Variants in EXOC6 observed in about 807,000 individuals in gnomAD.
EXOC6 encodes the protein exocyst complex component 6, also known as SEC15-like 1.
Under a neutral mutation model 112.5 loss-of-function variants are expected in EXOC6, and 60 were observed. That is an observed-to-expected ratio of 0.53 (90% CI 0.43 to 0.66). The LOEUF is 0.66. EXOC6 is among the 30% of genes least tolerant of loss of function. The pLI is 0.00. For synonymous variants in EXOC6, 295 were observed against 308.0 expected (o/e 0.96, Z 0.44); for missense variants, 855 against 957.1 (o/e 0.89, Z 1.41).
intron 1 of EXOC6, among the ~76,000 whole-genome samples, chr10:92,879,456 G>A (rs749776872): frequency 6.6e-5 from 10 of 152,134 alleles, no homozygotes; most frequent in Non-Finnish European, 1.5e-4. Flanking sequence ...AACAGAGTGA[G>A]ACTCTGTCTC....
intron 14 of EXOC6, among the ~76,000 whole-genome samples, chr10:92,948,761 ATAT>A (rs1853212109): frequency 6.6e-6 from 1 of 152,164 alleles, no homozygotes; most frequent in Non-Finnish European, 1.5e-5. Context: ...TAATAAGAGT[ATAT>A]CCTAGTGAAA....
Position 92,909,622 on chromosome 10 carries a change from A to G in EXOC6, c.654A>G (p.Ala218=), listed in dbSNP as rs768082777. ...RKHSDKIGET[A]MKQAQHQKTF... ...ATTCTGACAAAATAGGTGAAACAGC[A>G]ATGAAACAGGTGAGATTAAAAATAA... The change falls in exon 6 of 22, where the codon GCA becomes GCG. Residue 218 remains alanine, a synonymous_variant. Transcript: ENST00000260762. The G allele has an allele frequency of 6.3e-7, 1 of 1,598,628 alleles. No homozygotes were observed. Among genetic ancestry groups the G allele is most frequent in the South Asian group, 1.1e-5 (1 of 90,000 alleles).
At chr10:93,025,384 G>A (rs1001777478) in intron 20 of EXOC6, among the ~76,000 whole-genome samples, 1 of 152,200 alleles carries the variant, frequency 6.6e-6, no homozygotes, top group Non-Finnish European at 1.5e-5. Context: ...TACAAGGCTA[G>A]TGAGGGATGA....
intron 18 of EXOC6, among the ~76,000 whole-genome samples, chr10:92,976,288 AAG>A (rs1167574370): frequency 2.6e-5 from 4 of 152,150 alleles, no homozygotes; most frequent in Non-Finnish European, 5.9e-5. Context: ...TCTGTGTAGA[AAG>A]AGGTAGACAT....
chr10:93,014,703 C>T (rs942203246), intron 20 of EXOC6, among the ~76,000 whole-genome samples: 1 of 151,986 alleles, frequency 6.6e-6, no homozygotes, highest in Non-Finnish European at 1.5e-5. Context: ...GTAAAGAATG[C>T]TATTTTTATA....
At chr10:92,924,452 C>T (rs903208463) in intron 8 of EXOC6, among the ~76,000 whole-genome samples, 14 of 152,038 alleles carry the variant, frequency 9.2e-5, no homozygotes, top group African/African-American at 1.9e-4. Flanking sequence ...CATTATGATT[C>T]GATAAAGTGG....
intron 19 of EXOC6, among the ~76,000 whole-genome samples, chr10:93,013,834 G>A (rs1844370279): frequency 6.6e-6 from 1 of 152,118 alleles, no homozygotes; most frequent in Non-Finnish European, 1.5e-5. Flanking sequence ...CATGGAATTG[G>A]TATCATTTTT....
intron 14 of EXOC6, among the ~76,000 whole-genome samples, chr10:92,949,662 G>C (rs374158123): frequency 6.7e-6 from 1 of 150,092 alleles, no homozygotes; most frequent in Non-Finnish European, 1.5e-5. Context: ...GTGCCATCTC[G>C]GCTTACTGCA....
intron 4 of EXOC6, among the ~76,000 whole-genome samples, chr10:92,896,031 G>GTGTGTATATATA (rs1308484422): frequency 4.0e-5 from 5 of 125,378 alleles, no homozygotes; most frequent in Non-Finnish European, 6.5e-5. Context: ...GTATATATAT[G>GTGTGTATATATA]TGTGTATATA....
chr10:92,902,343 T>C (rs191975701), intron 5 of EXOC6, among the ~76,000 whole-genome samples: 2 of 152,266 alleles, frequency 1.3e-5, no homozygotes, highest in East Asian at 3.9e-4. Context: ...AGGATATTAA[T>C]AGTTCAGTCT....
rs187336985 is a variant in EXOC6 at position 92,919,261 on chromosome 10, T to C, written c.820-721T>C. On this transcript the variant is annotated intron_variant, in intron 7 of 21. Transcript: ENST00000260762. ...TTCTCTCAGATCTATTTTACTACTA[T>C]ACTGCACTACATTTTGTTTTTATCA... 2.1e-3 allele frequency among the ~76,000 whole-genome samples: 323 copies of C among 152,324 alleles called. 2 individuals carry two copies. The highest frequency in any genetic ancestry group is 7.4e-3 in the African/African-American group (307 of 41,562).
intron 9 of EXOC6, among the ~76,000 whole-genome samples, chr10:92,931,070 C>T (rs938733723): frequency 6.0e-5 from 8 of 134,052 alleles, no homozygotes; most frequent in Admixed American, 8.8e-5. Context: ...TGAGATCGTA[C>T]CATTGCACTC....
At chr10:92,999,336 T>TA (rs1843649004) in intron 19 of EXOC6, 2 of 391,334 alleles carry the variant, frequency 5.1e-6, no homozygotes, top group Non-Finnish European at 9.8e-6. Context: ...ATGCTGGAAT[T>TA]AGAGGCGTGA....
intron 18 of EXOC6, among the ~76,000 whole-genome samples, chr10:92,976,231 AG>A (rs1255898262): frequency 3.3e-5 from 5 of 152,192 alleles, no homozygotes; most frequent in African/African-American, 1.2e-4. Context: ...TGGAATAGAA[AG>A]GGGGGAAAGG....
intron 20 of EXOC6, among the ~76,000 whole-genome samples, chr10:93,025,043 C>G (rs1447641311): frequency 6.6e-6 from 1 of 152,118 alleles, no homozygotes; most frequent in Admixed American, 6.6e-5. Context: ...TGACAGGAGA[C>G]AGAATCAAAG....
intron 19 of EXOC6, among the ~76,000 whole-genome samples, chr10:93,008,300 AAAC>A (rs769107804): frequency 4.5e-4 from 68 of 152,322 alleles, no homozygotes; most frequent in Non-Finnish European, 7.9e-4. Context: ...TAAGAGAAAA[AAAC>A]AAAGATTTGG....
At chr10:92,907,801 A>C (rs996993447) in intron 5 of EXOC6, among the ~76,000 whole-genome samples, 1 of 152,094 alleles carries the variant, frequency 6.6e-6, no homozygotes, top group Non-Finnish European at 1.5e-5. Flanking sequence ...CAAGCCTTTA[A>C]TATCTCAGGT....
At chr10:93,014,161 A>AT in intron 19 of EXOC6, 33 bp from the exon 20 acceptor site, 1 of 1,556,292 alleles carries the variant, frequency 6.4e-7, no homozygotes, top group Non-Finnish European at 8.8e-7. Flanking sequence ...TTGTGATCTC[A>AT]TTTTTATTCT....
chr10:92,962,034 C>T (rs969159311), intron 17 of EXOC6, among the ~76,000 whole-genome samples: 1 of 152,118 alleles, frequency 6.6e-6, no homozygotes, highest in African/African-American at 2.4e-5. Flanking sequence ...TTTACAGTGA[C>T]CTGTGACAAT....
Sources: gnomAD v4.1 joint callset for allele counts (sites outside exome capture counted in the v4.1 genomes callset) on GRCh38, gnomAD v4.1.1 for gene constraint, MANE v1.5 for transcripts, NCBI Gene and HGNC (gene_info 2026-07-23, HGNC 2026-07-21) for gene names.